IL1RAPL2: variants seen among roughly 807,000 people sequenced by gnomAD.
IL1RAPL2 encodes X-linked interleukin-1 receptor accessory protein-like 2.
IL1RAPL2 carries 3 observed loss-of-function variants against 44.1 expected under a neutral mutation model. That is an observed-to-expected ratio of 0.07 (90% confidence interval 0.03 to 0.18). The LOEUF (loss-of-function observed/expected upper bound fraction) is 0.18. IL1RAPL2 is among the 10% of genes least tolerant of loss of function. The pLI, the probability that IL1RAPL2 is intolerant of heterozygous loss-of-function variation, is 1.00. For synonymous variants in IL1RAPL2, 181 were observed against 178.8 expected, an observed-to-expected ratio of 1.01 and a Z score of -0.10; for missense variants, 391 against 496.4, an observed-to-expected ratio of 0.79 and a Z score of 2.02.
intron 2 of IL1RAPL2, among the ~76,000 whole-genome samples, chrX:105,149,270 G>T (rs904182674): frequency 7.2e-5 from 8 of 111,266 alleles, no homozygotes; most frequent in Non-Finnish European, 1.3e-4. Context: ...GTAACCTGAG[G>T]ACCTAGAAAG....
chrX:105,402,083 G>T (rs1273113595), intron 5 of IL1RAPL2, among the ~76,000 whole-genome samples: 1 of 110,347 alleles, frequency 9.1e-6, no homozygotes, highest in Non-Finnish European at 1.9e-5. Flanking sequence ...GTTTCCTAAA[G>T]GTTTCATAGA....
At chrX:105,267,745 C>A (rs1415592396) in intron 5 of IL1RAPL2, among the ~76,000 whole-genome samples, 1 of 111,582 alleles carries the variant, frequency 9.0e-6, no homozygotes, top group East Asian at 2.8e-4. Context: ...GAACAAGGGC[C>A]TAGTTGCTGT....
intron 1 of IL1RAPL2, among the ~76,000 whole-genome samples, chrX:104,585,265 AATATAT>A (rs1928497148): frequency 1.2e-4 from 3 of 24,499 alleles, no homozygotes; most frequent in African/African-American, 4.1e-4. Flanking sequence ...ATATATATAT[AATATAT>A]TATATATATT....
chrX:104,585,351 ATTAT>A (rs1928526955), intron 1 of IL1RAPL2, among the ~76,000 whole-genome samples: 1 of 12,738 alleles, frequency 7.9e-5, no homozygotes, highest in Non-Finnish European at 1.1e-4. Context: ...TATTATATAT[ATTAT>A]ATATATTATA....
At chrX:105,415,519 A>G (rs1446082757) in intron 5 of IL1RAPL2, among the ~76,000 whole-genome samples, 6 of 111,926 alleles carry the variant, frequency 5.4e-5, no homozygotes, top group Non-Finnish European at 1.1e-4. Flanking sequence ...TGTGTCCCTA[A>G]TTGTAATGCT....
chrX:105,078,700 C>A (rs759523466), intron 2 of IL1RAPL2, among the ~76,000 whole-genome samples: 1 of 100,578 alleles, frequency 9.9e-6, no homozygotes, highest in Non-Finnish European at 2.0e-5. Flanking sequence ...GCTTCCTGGC[C>A]GCTTTGTTTA....
intron 2 of IL1RAPL2, among the ~76,000 whole-genome samples, chrX:104,948,798 T>C (rs1472858457): frequency 1.8e-5 from 2 of 109,512 alleles, no homozygotes; most frequent in Non-Finnish European, 3.8e-5. Context: ...AGCTTTTTGA[T>C]GTGCTGCTGG....
intron 2 of IL1RAPL2, among the ~76,000 whole-genome samples, chrX:104,792,071 A>G (rs765636213): frequency 9.0e-6 from 1 of 110,941 alleles, no homozygotes; most frequent in East Asian, 2.9e-4. Context: ...ACAGCTTATC[A>G]TAGTATCTTT....
At position 105,169,492 on chromosome X, in the gene IL1RAPL2, C is replaced by CTTTTTTTTTTTTTTTTTTTTTTTTTTTTT. The variant is rs748101220; in HGVS notation, c.83-25981_83-25953dup. ...TGAGAAACTTTCAGTTTCTTTCTTT[C>CTTTTTTTTTTTTTTTTTTTTTTTTTTTTT]TTTTTTTTTTTTTTTTTTTTTTTTT... On this transcript the variant is annotated intron_variant, in intron 2 of 10. Transcript: ENST00000372582. 9.6e-5 allele frequency among the ~76,000 whole-genome samples: 4 copies of CTTTTTTTTTTTTTTTTTTTTTTTTTTTTT among 41,587 alleles called. 1 individual carries two copies. The highest frequency in any genetic ancestry group is 5.5e-4 in the African/African-American group (4 of 7,272). 36.1% of individuals were successfully genotyped at this position (41,587 alleles called of 115,157 possible).
At chrX:104,815,456 G>A (rs910337855) in intron 2 of IL1RAPL2, among the ~76,000 whole-genome samples, 2 of 111,494 alleles carry the variant, frequency 1.8e-5, no homozygotes, top group African/African-American at 6.5e-5. Flanking sequence ...AAACTCTGGT[G>A]AAGAGTATGT....
chrX:105,178,683 C>T (rs1037828923), intron 2 of IL1RAPL2, among the ~76,000 whole-genome samples: 3 of 111,650 alleles, frequency 2.7e-5, no homozygotes, highest in African/African-American at 9.8e-5. Flanking sequence ...TGATGATAGC[C>T]GTCCTAATTA....
At chrX:105,063,671 C>A (rs1308571910) in intron 2 of IL1RAPL2, among the ~76,000 whole-genome samples, 1 of 111,567 alleles carries the variant, frequency 9.0e-6, no homozygotes, top group African/African-American at 3.3e-5. Flanking sequence ...GTCTGGGTTT[C>A]TTTTGTACTC....
At chrX:104,982,103 A>G (rs758465847) in intron 2 of IL1RAPL2, among the ~76,000 whole-genome samples, 1 of 111,034 alleles carries the variant, frequency 9.0e-6, no homozygotes, top group Admixed American at 9.6e-5. Context: ...CATGCAATTT[A>G]TACATGTAAG....
intron 2 of IL1RAPL2, among the ~76,000 whole-genome samples, chrX:105,096,271 G>T (rs1293562821): frequency 8.9e-6 from 1 of 111,744 alleles, no homozygotes; most frequent in East Asian, 2.8e-4. Flanking sequence ...AAAACAGTCT[G>T]GCAGTTCCTC....
intron 2 of IL1RAPL2, among the ~76,000 whole-genome samples, chrX:104,889,319 C>T (rs1923349041): frequency 9.0e-6 from 1 of 111,541 alleles, no homozygotes; most frequent in African/African-American, 3.3e-5. Flanking sequence ...GTGTTTTCTC[C>T]AATGGGAAAA....
chrX:105,214,114 A>G (rs2033831208), intron 3 of IL1RAPL2, among the ~76,000 whole-genome samples: 1 of 102,935 alleles, frequency 9.7e-6, no homozygotes, highest in South Asian at 4.7e-4. Context: ...AAATTCACAC[A>G]TAACAATACT....
chrX:105,375,755 G>T (rs772583808), intron 5 of IL1RAPL2, among the ~76,000 whole-genome samples: 17 of 112,001 alleles, frequency 1.5e-4, no homozygotes, highest in South Asian at 1.5e-3. Flanking sequence ...ATCCATCAAT[G>T]ATTTGAACTA....
intron 10 of IL1RAPL2, among the ~76,000 whole-genome samples, chrX:105,761,898 T>G (rs985051609): frequency 1.8e-5 from 2 of 112,335 alleles, no homozygotes; most frequent in African/African-American, 6.5e-5. Context: ...AAATAATTTA[T>G]AAGGAGCTAA....
intron 2 of IL1RAPL2, among the ~76,000 whole-genome samples, chrX:105,159,982 A>ACC (rs200123489): frequency 0.036 from 2,605 of 72,841 alleles, 238 homozygotes; most frequent in African/African-American, 0.13. Flanking sequence ...GACTTAAAGA[A>ACC]CCCCCCCCCC....
Sources: allele counts gnomAD v4.1 joint callset (sites outside exome capture counted in the v4.1 genomes callset), GRCh38; gene constraint gnomAD v4.1.1; transcripts MANE v1.5; gene names NCBI Gene and HGNC (gene_info 2026-07-23, HGNC 2026-07-21).